Variants in CFDP1 observed in about 807,000 individuals in gnomAD.
The protein encoded by CFDP1 is heterochromatin-stabilizing protein CFDP1.
A neutral mutation model predicts 40.1 loss-of-function variants in CFDP1; 31 were observed. The ratio of observed to expected loss-of-function variants is 0.77; its 90% confidence interval spans 0.58 to 1.04. CFDP1 has a LOEUF of 1.04. Ranked by LOEUF, CFDP1 falls within the 50% of genes least tolerant of loss-of-function variation. The pLI is 0.00. For synonymous variants in CFDP1, 167 were observed against 120.0 expected, an observed-to-expected ratio of 1.39 and a Z score of -2.56; for missense variants, 423 against 343.4, an observed-to-expected ratio of 1.23 and a Z score of -1.83.
At chr16:75,337,429 T>C (rs999667050) in intron 5 of CFDP1, among the ~76,000 whole-genome samples, 1 of 152,218 alleles carries the variant, frequency 6.6e-6, no homozygotes, top group Non-Finnish European at 1.5e-5. Context: ...TTACTGACCT[T>C]TGCCCCTCCT....
At chr16:75,387,219 C>A (rs1597373577) in intron 5 of CFDP1, among the ~76,000 whole-genome samples, 2 of 150,956 alleles carry the variant, frequency 1.3e-5, no homozygotes, top group South Asian at 4.2e-4. Flanking sequence ...CGGCTCACTG[C>A]AAGCTCCGCC....
At chr16:75,342,673 G>C (rs2078535204) in intron 5 of CFDP1, among the ~76,000 whole-genome samples, 1 of 152,164 alleles carries the variant, frequency 6.6e-6, no homozygotes, top group Admixed American at 6.6e-5. Flanking sequence ...TTACTTGGGG[G>C]AAGAAGAACA....
intron 5 of CFDP1, among the ~76,000 whole-genome samples, chr16:75,344,161 A>G (rs969434334): frequency 2.0e-5 from 3 of 152,252 alleles, no homozygotes; most frequent in South Asian, 2.1e-4. Context: ...TTTTGGCAGT[A>G]GTGCATAAAT....
intron 1 of CFDP1, among the ~76,000 whole-genome samples, chr16:75,417,076 G>A (rs1237287064): frequency 1.3e-5 from 2 of 152,048 alleles, no homozygotes; most frequent in Non-Finnish European, 1.5e-5. Flanking sequence ...GGGAGGCTAA[G>A]GGGAGGATCA....
At chr16:75,368,803 C>T (rs1401153440) in intron 5 of CFDP1, among the ~76,000 whole-genome samples, 1 of 151,990 alleles carries the variant, frequency 6.6e-6, no homozygotes, top group Non-Finnish European at 1.5e-5. Flanking sequence ...CCCAGCTAAT[C>T]TGTGCATTTT....
At chr16:75,427,170 G>A (rs755891752) in intron 1 of CFDP1, among the ~76,000 whole-genome samples, 4 of 151,858 alleles carry the variant, frequency 2.6e-5, no homozygotes, top group East Asian at 1.9e-4. Flanking sequence ...CACCAAAGAA[G>A]ATAAAATGAT....
intron 5 of CFDP1, chr16:75,372,054 A>C (rs1597361004): frequency 6.6e-6 from 1 of 152,314 alleles, no homozygotes; most frequent in South Asian, 2.1e-4. Flanking sequence ...TTACAGCTAA[A>C]AGAATTAAGT....
chr16:75,397,293 TC>T (rs1333611777), intron 4 of CFDP1, among the ~76,000 whole-genome samples: 1 of 150,960 alleles, frequency 6.6e-6, no homozygotes, highest in East Asian at 2.0e-4. Context: ...AGTGGGCAGA[TC>T]ATTTGAGGTC....
chr16:75,344,341 A>G (rs916604506), intron 5 of CFDP1, among the ~76,000 whole-genome samples: 1 of 152,246 alleles, frequency 6.6e-6, no homozygotes, highest in African/African-American at 2.4e-5. Flanking sequence ...GGTTAATTTT[A>G]TGTTAGGTGT....
chr16:75,324,770 G>A (rs914905582), intron 5 of CFDP1: 1 of 150,968 alleles, frequency 6.6e-6, no homozygotes, highest in Non-Finnish European at 1.5e-5. Context: ...AATTGCTGCT[G>A]CTAGGAAAGA....
chr16:75,390,854 G>A (rs1290846870), intron 5 of CFDP1, among the ~76,000 whole-genome samples: 1 of 152,176 alleles, frequency 6.6e-6, no homozygotes, highest in Non-Finnish European at 1.5e-5. Flanking sequence ...CCTAGGGGTA[G>A]TAATAGAGTC....
intron 1 of CFDP1, among the ~76,000 whole-genome samples, chr16:75,415,670 G>C (rs887913913): frequency 7.9e-5 from 12 of 152,296 alleles, no homozygotes; most frequent in African/African-American, 2.9e-4. Flanking sequence ...GTTTGTGAGA[G>C]TCACCCACAT....
At chr16:75,330,871 G>A (rs2078440877) in intron 5 of CFDP1, among the ~76,000 whole-genome samples, 1 of 150,790 alleles carries the variant, frequency 6.6e-6, no homozygotes, top group Non-Finnish European at 1.5e-5. Flanking sequence ...AGTACACTGA[G>A]TCCAAGTAGC....
In CFDP1 at chr16:75,383,292, C is replaced by A. The variant is rs1411424358; in HGVS notation, c.650+11798G>T. On this transcript the variant is annotated intron_variant, in intron 5 of 6. Coordinates refer to ENST00000283882, the MANE Select transcript of CFDP1 (RefSeq NM_006324.3). Reference sequence around the variant, plus strand: ...CTCAGCCTCTCCCAAAAGAAAAATTCCTCAATCCAAATTAAAGTATTTATC... The same window carrying A: ...CTCAGCCTCTCCCAAAAGAAAAATTACTCAATCCAAATTAAAGTATTTATC... Among the ~76,000 whole-genome samples, 5 of 152,150 alleles carry A rather than the reference C, an allele frequency of 3.3e-5. No individual in the cohort carries two copies. The East Asian group carries it at 9.6e-4, about 29-fold the overall frequency.
intron 4 of CFDP1, among the ~76,000 whole-genome samples, chr16:75,399,939 C>T (rs541769177): frequency 5.3e-5 from 8 of 150,012 alleles, no homozygotes; most frequent in Admixed American, 5.3e-4. Flanking sequence ...CCATCTCTAT[C>T]AAAAATACAA....
intron 5 of CFDP1, among the ~76,000 whole-genome samples, chr16:75,378,094 C>T (rs74855014): frequency 0.015 from 2,357 of 152,266 alleles, 59 homozygotes; most frequent in African/African-American, 0.053. Context: ...CCATGTGCTT[C>T]CTTTCTGACT....
At chr16:75,379,664 T>C (rs1044140620) in intron 5 of CFDP1, among the ~76,000 whole-genome samples, 1 of 152,128 alleles carries the variant, frequency 6.6e-6, no homozygotes, top group Non-Finnish European at 1.5e-5. Context: ...TTAGCAGATA[T>C]GAAAATGTTC....
intron 5 of CFDP1, among the ~76,000 whole-genome samples, chr16:75,349,669 A>AT (rs2078595282): frequency 3.7e-5 from 2 of 53,972 alleles, no homozygotes; most frequent in Admixed American, 2.4e-4. Context: ...AAAAAAAAAA[A>AT]AAAAAAAAAA....
intron 5 of CFDP1, among the ~76,000 whole-genome samples, chr16:75,384,340 G>A (rs902666435): frequency 1.3e-5 from 2 of 152,066 alleles, no homozygotes; most frequent in Non-Finnish European, 2.9e-5. Flanking sequence ...TAGCCTGGGC[G>A]ACAGAGTGAG....
Sources: gnomAD v4.1 joint callset for allele counts (sites outside exome capture counted in the v4.1 genomes callset) on GRCh38, gnomAD v4.1.1 for gene constraint, MANE v1.5 for transcripts, NCBI Gene and HGNC (gene_info 2026-07-23, HGNC 2026-07-21) for gene names.